NDUFAF2: variants seen among roughly 807,000 people sequenced by gnomAD.
NDUFAF2 encodes the protein NADH dehydrogenase [ubiquinone] 1 alpha subcomplex assembly factor 2.
NDUFAF2 carries 13 observed loss-of-function variants against 22.8 expected under a neutral mutation model. The observed-to-expected ratio is 0.57, with a 90% CI of 0.37 to 0.91. The LOEUF (loss-of-function observed/expected upper bound fraction) is 0.91. NDUFAF2 is among the 40% of genes least tolerant of loss of function. The pLI is 0.01. For missense variants in NDUFAF2, 162 were observed against 195.2 expected (o/e 0.83, Z 1.01); for synonymous variants, 53 against 64.2 (o/e 0.83, Z 0.84).
chr5:61,075,446 ACTCTCCAG>A (rs1222437591), intron 2 of NDUFAF2, among the ~76,000 whole-genome samples: 3 of 152,038 alleles, frequency 2.0e-5, no homozygotes, highest in African/African-American at 2.4e-5. Context: ...ATTTTAGCAG[ACTCTCCAG>A]TGTTATAAAC....
intron 3 of NDUFAF2, chr5:61,115,603 C>A (rs1173519923): frequency 3.9e-5 from 6 of 151,970 alleles, no homozygotes; most frequent in Non-Finnish European, 7.4e-5. Flanking sequence ...AGGAAAAAAA[C>A]CGGAAAGAAA....
chr5:61,100,825 G>T (rs143156308), intron 3 of NDUFAF2, among the ~76,000 whole-genome samples: 2 of 152,200 alleles, frequency 1.3e-5, no homozygotes, highest in African/African-American at 2.4e-5. Context: ...CCAAGAGAGT[G>T]GAGGACCTTT....
intron 3 of NDUFAF2, among the ~76,000 whole-genome samples, chr5:61,130,246 G>A (rs1209796173): frequency 6.6e-6 from 1 of 152,128 alleles, no homozygotes; most frequent in Non-Finnish European, 1.5e-5. Context: ...CTTGAAATGA[G>A]TTATGAATTG....
intron 1 of NDUFAF2, among the ~76,000 whole-genome samples, chr5:60,969,298 A>T (rs533817618): frequency 1.3e-5 from 2 of 152,254 alleles, no homozygotes; most frequent in South Asian, 4.1e-4. Context: ...ACTGTTATCC[A>T]CAGTGATTGT....
chr5:60,985,013 T>G lies in NDUFAF2; in HGVS notation c.127+39631T>G, dbSNP rs549885550. On this transcript the variant is annotated intron_variant, in intron 1 of 3. Transcript: ENST00000296597. ...CCTCTGGTAGAATTCGGCTGTGAATTCGTCTGGTCCTGGACTGTTTTTGGT... is the reference window on the plus strand; with the variant it reads ...CCTCTGGTAGAATTCGGCTGTGAATGCGTCTGGTCCTGGACTGTTTTTGGT... Among the ~76,000 whole-genome samples, 4 of 152,228 alleles carry G rather than the reference T, an allele frequency of 2.6e-5. No homozygotes were observed. The South Asian group carries it at 8.3e-4, about 32-fold the overall frequency.
intron 1 of NDUFAF2, among the ~76,000 whole-genome samples, chr5:61,057,380 A>C (rs1752112975): frequency 6.6e-6 from 1 of 152,212 alleles, no homozygotes. Flanking sequence ...AGTTTGTGAA[A>C]GATTGCTTGA....
Position 61,121,469 on chromosome 5 carries a change from T to G in NDUFAF2, c.258+22437T>G, listed in dbSNP as rs2111799084. 1.3e-5 allele frequency among the ~76,000 whole-genome samples: 2 copies of G among 152,268 alleles called. 1 individual carries two copies. Among genetic ancestry groups the G allele is most frequent in the South Asian group, 4.1e-4 (2 of 4,822 alleles). On this transcript the variant is annotated intron_variant, in intron 3 of 3. Coordinates refer to ENST00000296597, the MANE Select transcript of NDUFAF2 (RefSeq NM_174889.5). ...ATAGAAAGTATCAGTGTACAAAGGC[T>G]TACTGGGAGTACTTATTGCTTTCTG...
intron 1 of NDUFAF2, among the ~76,000 whole-genome samples, chr5:61,010,854 G>A (rs1002429670): frequency 2.0e-5 from 3 of 152,126 alleles, no homozygotes; most frequent in African/African-American, 4.8e-5. Context: ...TATGACTTCT[G>A]TAACGTATCA....
intron 1 of NDUFAF2, among the ~76,000 whole-genome samples, chr5:60,971,271 C>A (rs567477443): frequency 1.4e-5 from 2 of 145,008 alleles, no homozygotes; most frequent in Admixed American, 7.2e-5. Flanking sequence ...TTAGATATAT[C>A]TTTTTTCTTT....
chr5:60,992,038 A>G (rs1330554190), intron 1 of NDUFAF2, among the ~76,000 whole-genome samples: 1 of 152,136 alleles, frequency 6.6e-6, no homozygotes, highest in Non-Finnish European at 1.5e-5. Context: ...AGATTTCTTT[A>G]ATGATCAGTG....
At position 60,965,966 on chromosome 5, in the gene NDUFAF2, A is replaced by G. The variant is rs528121054; in HGVS notation, c.127+20584A>G. On this transcript the variant is annotated intron_variant, in intron 1 of 3. Coordinates refer to ENST00000296597, the MANE Select transcript of NDUFAF2 (RefSeq NM_174889.5). ...CATACTGTTTTTCCATAATGGCTATACTAATTTACATTCCCACCAAGAGTG... is the reference window on the plus strand; with the variant it reads ...CATACTGTTTTTCCATAATGGCTATGCTAATTTACATTCCCACCAAGAGTG... Among the ~76,000 whole-genome samples, 14 of 152,228 alleles carry G rather than the reference A, an allele frequency of 9.2e-5. 1 individual carries two copies. Among genetic ancestry groups the G allele is most frequent in the Middle Eastern group, 6.8e-3 (2 of 294 alleles).
intron 2 of NDUFAF2, among the ~76,000 whole-genome samples, chr5:61,079,731 G>A (rs1333320409): frequency 6.6e-6 from 1 of 152,102 alleles, no homozygotes; most frequent in Non-Finnish European, 1.5e-5. Context: ...CCTTGATGGG[G>A]CCCTCTGCCA....
chr5:61,028,297 AT>A (rs1339904421), intron 1 of NDUFAF2, among the ~76,000 whole-genome samples: 1 of 152,020 alleles, frequency 6.6e-6, no homozygotes, highest in Non-Finnish European at 1.5e-5. Context: ...TTTTCGACTT[AT>A]CCCCTTCTCT....
chr5:61,005,558 T>C (rs2112593699), intron 1 of NDUFAF2, among the ~76,000 whole-genome samples: 1 of 152,326 alleles, frequency 6.6e-6, no homozygotes, highest in Non-Finnish European at 1.5e-5. Flanking sequence ...CCACCAACAG[T>C]GTAAAAGCGT....
At chr5:61,126,565 ATGT>A (rs780769725) in intron 3 of NDUFAF2, among the ~76,000 whole-genome samples, 16 of 152,196 alleles carry the variant, frequency 1.1e-4, no homozygotes, top group Non-Finnish European at 2.1e-4. Flanking sequence ...TACCAAATTG[ATGT>A]TGTTATCAGT....
At chr5:61,016,738 G>A (rs1751516236) in intron 1 of NDUFAF2, among the ~76,000 whole-genome samples, 1 of 152,164 alleles carries the variant, frequency 6.6e-6, no homozygotes, top group Non-Finnish European at 1.5e-5. Flanking sequence ...TCATCTGAAT[G>A]TCATGTAAAG....
At chr5:61,005,314 C>T (rs1246895273) in intron 1 of NDUFAF2, among the ~76,000 whole-genome samples, 1 of 152,172 alleles carries the variant, frequency 6.6e-6, no homozygotes, top group Non-Finnish European at 1.5e-5. Flanking sequence ...ATATGTGCCA[C>T]ATTTTCTTAA....
chr5:60,959,217 T>G (rs960244990), intron 1 of NDUFAF2, among the ~76,000 whole-genome samples: 13 of 152,074 alleles, frequency 8.5e-5, no homozygotes, highest in Admixed American at 2.6e-4. Flanking sequence ...AATGTGATAT[T>G]TTCTCTTTAA....
chr5:61,005,417 T>G (rs1253008164), intron 1 of NDUFAF2, among the ~76,000 whole-genome samples: 1 of 152,360 alleles, frequency 6.6e-6, no homozygotes, highest in East Asian at 1.9e-4. Context: ...TGTGTCTTTA[T>G]AGCAGCATGA....
Sources: allele counts gnomAD v4.1 joint callset (sites outside exome capture counted in the v4.1 genomes callset), GRCh38; gene constraint gnomAD v4.1.1; transcripts MANE v1.5; gene names NCBI Gene and HGNC (gene_info 2026-07-23, HGNC 2026-07-21).